The following FHIT variants were observed in gnomAD, a reference collection of about 807,000 sequenced individuals.
FHIT encodes the protein fragile histidine triad diadenosine triphosphatase, also known as bis(5'-adenosyl)-triphosphatase.
Under a neutral mutation model 17.9 loss-of-function variants are expected in FHIT, and 19 were observed. That is an observed-to-expected ratio of 1.06 (90% CI 0.74 to 1.56). FHIT has a LOEUF of 1.56. Among genes scored for constraint, FHIT ranks in the 40% most tolerant of loss-of-function variants. The pLI is 0.00. For synonymous variants in FHIT, 81 were observed against 69.7 expected (o/e 1.16, Z -0.81); for missense variants, 248 against 189.2 (o/e 1.31, Z -1.82).
intron 7 of FHIT, among the ~76,000 whole-genome samples, chr3:59,949,143 C>T (rs947220211): frequency 2.0e-5 from 3 of 152,172 alleles, no homozygotes; most frequent in Admixed American, 6.5e-5. Flanking sequence ...ACACATATAC[C>T]AGAGTTTTGA....
At position 59,751,069 on chromosome 3, in the gene FHIT, A is replaced by ACATAGGAGAGGAT. The variant is rs1700869819; in HGVS notation, c.*5+1151_*5+1152insATCCTCTCCTATG. 3 of 180,524 alleles carry ACATAGGAGAGGAT rather than the reference A, an allele frequency of 1.7e-5. No individual in the cohort carries two copies. The East Asian group carries it at 2.7e-4, about 16-fold the overall frequency. The allele number at this position is 180,524 out of a possible 1,614,324, so 11.2% of individuals were successfully genotyped here. ...AACTATTTATAGGAGAGGATCTGTAACTGGGGTCCATGGGAGTTTATTAAC... is the reference window on the plus strand; with the variant it reads ...AACTATTTATAGGAGAGGATCTGTAACATAGGAGAGGATCTGGGGTCCATGGGAGTTTATTAAC... On this transcript the variant is annotated intron_variant, in intron 9 of 9. Transcript: ENST00000492590.
At chr3:60,258,361 G>A (rs902260095) in intron 5 of FHIT, among the ~76,000 whole-genome samples, 4 of 151,862 alleles carry the variant, frequency 2.6e-5, no homozygotes, top group Non-Finnish European at 4.4e-5. Flanking sequence ...CTTGTTTAGC[G>A]GCCTCTCTAA....
intron 5 of FHIT, among the ~76,000 whole-genome samples, chr3:60,147,662 A>T (rs941512539): frequency 1.3e-5 from 2 of 152,184 alleles, no homozygotes; most frequent in Non-Finnish European, 2.9e-5. Flanking sequence ...AAGAGCAAGG[A>T]AACAGCCAAG....
At chr3:60,237,767 A>G (rs767095099) in intron 5 of FHIT, among the ~76,000 whole-genome samples, 1 of 152,146 alleles carries the variant, frequency 6.6e-6, no homozygotes, top group Non-Finnish European at 1.5e-5. Context: ...TCTACCTATT[A>G]TTTTAGGAAA....
chr3:60,395,671 G>C (rs1484993819), intron 5 of FHIT, among the ~76,000 whole-genome samples: 1 of 152,110 alleles, frequency 6.6e-6, no homozygotes, highest in African/African-American at 2.4e-5. Flanking sequence ...AAAAGGGAAG[G>C]AGTTACATTT....
chr3:60,412,222 G>C (rs1702087220), intron 5 of FHIT, among the ~76,000 whole-genome samples: 1 of 152,012 alleles, frequency 6.6e-6, no homozygotes, highest in African/African-American at 2.4e-5. Flanking sequence ...AAGGTAAGTA[G>C]ATACATAGGT....
chr3:59,881,214 C>T (rs1483709904), intron 8 of FHIT, among the ~76,000 whole-genome samples: 3 of 152,184 alleles, frequency 2.0e-5, no homozygotes, highest in Admixed American at 1.3e-4. Context: ...AGTAAGACCA[C>T]CTGGCTATAG....
intron 8 of FHIT, among the ~76,000 whole-genome samples, chr3:59,797,195 T>C (rs989874783): frequency 1.3e-5 from 2 of 152,034 alleles, no homozygotes; most frequent in Non-Finnish European, 1.5e-5. Flanking sequence ...TACAATTTTT[T>C]TTTTTTTTTG....
rs1473666014 is a variant in FHIT at position 59,942,879 on chromosome 3, G to A, written c.280-20465C>T. The stretch of plus-strand genomic sequence containing the variant: ...GTCCAGGCTGCTCTCAAACTCCTGG[G>A]CTCAAGCAATCCTCCCACCTCGGCC... On this transcript the variant is annotated intron_variant, in intron 7 of 9. Transcript: ENST00000492590. 2.0e-5 allele frequency among the ~76,000 whole-genome samples: 3 copies of A among 152,068 alleles called. No homozygotes were observed. The East Asian group carries it at 5.8e-4, about 30-fold the overall frequency.
At chr3:60,386,129 T>C (rs1234488108) in intron 5 of FHIT, among the ~76,000 whole-genome samples, 1 of 152,024 alleles carries the variant, frequency 6.6e-6, no homozygotes, top group African/African-American at 2.4e-5. Flanking sequence ...GAACCAAGAT[T>C]TCAAGATTTG....
At chr3:59,814,075 C>CACACACACACACACACA (rs1559629328) in intron 8 of FHIT, among the ~76,000 whole-genome samples, 1 of 151,448 alleles carries the variant, frequency 6.6e-6, no homozygotes, top group African/African-American at 2.4e-5. Context: ...CACACACACA[C>CACACACACACACACACA]CCGACGGTGA....
intron 5 of FHIT, among the ~76,000 whole-genome samples, chr3:60,501,934 G>A (rs73101888): frequency 0.042 from 6,351 of 152,236 alleles, 225 homozygotes; most frequent in Non-Finnish European, 0.052. Context: ...CCATCCAGGC[G>A]GTTCTTTGAT....
At chr3:60,017,156 T>C (rs1482148666) in intron 5 of FHIT, among the ~76,000 whole-genome samples, 1 of 152,144 alleles carries the variant, frequency 6.6e-6, no homozygotes, top group Non-Finnish European at 1.5e-5. Context: ...CTGCATTCCC[T>C]AGTCACTCTG....
In FHIT at chr3:60,888,927, A is replaced by T. The variant is rs145820551; in HGVS notation, c.-110-66916T>A. 1.0e-3 allele frequency among the ~76,000 whole-genome samples: 158 copies of T among 152,338 alleles called. 1 individual carries two copies. Among genetic ancestry groups the T allele is most frequent in the African/African-American group, 3.7e-3 (155 of 41,588 alleles). ...AATCCACCTCAGATTTCACCATGTT[A>T]GATATAAGTTCTAAATTTCTCATCA... On this transcript the variant is annotated intron_variant, in intron 3 of 9. Coordinates refer to ENST00000492590, the MANE Select transcript of FHIT (RefSeq NM_002012.4).
At chr3:60,911,563 A>G (rs1706746488) in intron 3 of FHIT, among the ~76,000 whole-genome samples, 1 of 152,162 alleles carries the variant, frequency 6.6e-6, no homozygotes, top group Non-Finnish European at 1.5e-5. Flanking sequence ...TTCCCTGCAG[A>G]GCACTGGTTG....
chr3:61,102,800 G>A (rs1402712990), intron 2 of FHIT, among the ~76,000 whole-genome samples: 3 of 152,100 alleles, frequency 2.0e-5, no homozygotes, highest in Non-Finnish European at 4.4e-5. Flanking sequence ...ATGTGTCCAG[G>A]AATTTATCCA....
At chr3:61,055,687 C>T (rs897665684) in intron 2 of FHIT, among the ~76,000 whole-genome samples, 1 of 152,118 alleles carries the variant, frequency 6.6e-6, no homozygotes, top group Non-Finnish European at 1.5e-5. Context: ...CCTCAAGGAG[C>T]TCAGGATCTG....
intron 3 of FHIT, among the ~76,000 whole-genome samples, chr3:60,832,702 G>C (rs1266906595): frequency 6.8e-6 from 1 of 146,248 alleles, no homozygotes; most frequent in South Asian, 2.2e-4. Context: ...AAAAAAAAAA[G>C]CACAGAGGCA....
intron 1 of FHIT, among the ~76,000 whole-genome samples, chr3:61,249,438 C>G (rs1187579247): frequency 6.6e-6 from 1 of 152,174 alleles, no homozygotes; most frequent in Non-Finnish European, 1.5e-5. Context: ...TGTTTAGTAT[C>G]TAAGTACAGA....
Sources: allele counts gnomAD v4.1 joint callset (sites outside exome capture counted in the v4.1 genomes callset), GRCh38; gene constraint gnomAD v4.1.1; transcripts MANE v1.5; gene names NCBI Gene and HGNC (gene_info 2026-07-23, HGNC 2026-07-21).